GALNT9: variants seen among roughly 807,000 people sequenced by gnomAD.
GALNT9 encodes the protein GalNAc transferase 9.
GALNT9 carries 47 observed loss-of-function variants against 63.1 expected under a neutral mutation model. The ratio of observed to expected loss-of-function variants is 0.75; its 90% CI spans 0.59 to 0.95. GALNT9 has a LOEUF of 0.95. GALNT9 is among the 40% of genes least tolerant of loss of function. The pLI is 0.00. For missense variants in GALNT9, 829 were observed against 874.8 expected, an observed-to-expected ratio of 0.95 and a Z score of 0.66; for synonymous variants, 396 against 365.7, an observed-to-expected ratio of 1.08 and a Z score of -0.94.
chr12:132,237,841 C>G (rs376292482), intron 6 of GALNT9, among the ~76,000 whole-genome samples: 1 of 152,194 alleles, frequency 6.6e-6, no homozygotes, highest in Non-Finnish European at 1.5e-5. Flanking sequence ...GCCAGGCCTG[C>G]GGTGGAGGTT....
In GALNT9 at chr12:132,261,028, G is replaced by T; in HGVS notation, c.681C>A (p.Arg227=). 6.4e-7 allele frequency: 1 copy of T among 1,551,128 alleles called. No homozygotes were observed. The highest frequency in any genetic ancestry group is 8.7e-7 in the Non-Finnish European group (1 of 1,146,910). The change falls in exon 4 of 11, where the codon CGC becomes CGA. Residue 227 remains arginine, a synonymous_variant. Coordinates refer to ENST00000328957, the MANE Select transcript of GALNT9 (RefSeq NM_001122636.2). Reference sequence around the variant, plus strand: ...CCGCCTTCCAGCCCTGCAGCCGCGCGCGGATCAGTCCTTCCCGCCGGCTGT... The same window carrying T: ...CCGCCTTCCAGCCCTGCAGCCGCGCTCGGATCAGTCCTTCCCGCCGGCTGT... ...VRNSRREGLI[R]ARLQGWKAAT...
At position 132,197,164 on chromosome 12, in the gene GALNT9, C is replaced by T. The variant is rs764419528; in HGVS notation, c.1755G>A (p.Gln585=). 1 of 1,614,154 alleles carries T rather than the reference C, an allele frequency of 6.2e-7. No homozygotes were observed. Among genetic ancestry groups the T allele is most frequent in the Non-Finnish European group, 8.5e-7 (1 of 1,180,024 alleles). The change falls in exon 11 of 11, where the codon CAG becomes CAA. Residue 585 remains glutamine (Q), a synonymous_variant. Transcript: ENST00000328957. ...DANFGLRLVV[Q]RCSGQKWMIR... ...TCATCCACTTCTGCCCCGAGCACCTCTGTACCACCAGCCGGAGCCCAAAGT... is the reference window on the plus strand; with the variant it reads ...TCATCCACTTCTGCCCCGAGCACCTTTGTACCACCAGCCGGAGCCCAAAGT...
rs547484511 is a variant in GALNT9, at chr12:132,210,861, T to C, written c.1078-7171A>G. 5.3e-4 allele frequency among the ~76,000 whole-genome samples: 80 copies of C among 150,024 alleles called. 3 individuals carry two copies. In the South Asian group the frequency reaches 0.016, roughly 30 times the overall value. ...CGTCTGGAGGTCGCCGTCTGGCGGT[T>C]GCCATCTGGAGGTCGCCGTCTGGGT... is the stretch of plus-strand genomic sequence containing the variant. On this transcript the variant is annotated intron_variant, in intron 6 of 10. Transcript: ENST00000328957.
At chr12:132,263,807 C>T (rs61385742) in intron 2 of GALNT9, among the ~76,000 whole-genome samples, 10,463 of 152,272 alleles carry the variant, frequency 0.069, 1,203 homozygotes, top group African/African-American at 0.24. Flanking sequence ...GAAGTACTCA[C>T]GCCTGCCCCC....
rs532525842 is a variant in GALNT9, at chr12:132,198,028, C to T, written c.1498-69G>A. The T allele has an allele frequency of 1.0e-4, 132 of 1,325,030 alleles. 2 individuals carry two copies. In the East Asian group the frequency reaches 1.5e-3, roughly 15 times the overall value. The allele number at this position is 1,325,030 out of a possible 1,614,324, so 82.1% of individuals were successfully genotyped here. A position where few individuals can be genotyped will look rare whatever the true frequency, so the allele number is the denominator to read the frequency against. On this transcript the variant is annotated intron_variant, in intron 9 of 10. Transcript: ENST00000328957. The stretch of plus-strand genomic sequence containing the variant: ...CTCTCCCCAGTGAGCACTGACAGGC[C>T]GTGCGAGCTGCCTTGAGCTGCAAAC...
intron 1 of GALNT9, among the ~76,000 whole-genome samples, chr12:132,323,658 C>A (rs535840363): frequency 3.9e-5 from 6 of 152,242 alleles, no homozygotes; most frequent in Non-Finnish European, 8.8e-5. Flanking sequence ...GGAGCCCCAG[C>A]GGACGTCAGA....
intron 6 of GALNT9, among the ~76,000 whole-genome samples, chr12:132,241,753 CCCCCTTCCCGGGGCCCTCCCT>C (rs1878380643): frequency 2.3e-5 from 1 of 43,016 alleles, no homozygotes; most frequent in Non-Finnish European, 4.7e-5. Context: ...ACACAACACA[CCCCCTTCCCGGGGCCCTCCCT>C]ATCCCCATTA....
At chr12:132,201,292 A>T in intron 7 of GALNT9, 31 bp from the exon 8 acceptor site, 3 of 1,560,678 alleles carry the variant, frequency 1.9e-6, no homozygotes, top group Non-Finnish European at 2.6e-6. Flanking sequence ...GAGAGGGTAC[A>T]TGGGTGTCAC....
Position 132,287,759 on chromosome 12 carries a change from G to A in GALNT9, c.239-1329C>T, listed in dbSNP as rs186730649. The stretch of plus-strand genomic sequence containing the variant: ...TGTGGAATGGGTGCCCAAGGGGGCC[G>A]GGCCAGGGAAAGTTCTAGGTGCTCA... On this transcript the variant is annotated intron_variant, in intron 1 of 10. Transcript: ENST00000328957. 3.4e-3 allele frequency among the ~76,000 whole-genome samples: 525 copies of A among 152,174 alleles called. 1 individual carries two copies. Among genetic ancestry groups the A allele is most frequent in the African/African-American group, 0.012 (499 of 41,508 alleles).
intron 6 of GALNT9, among the ~76,000 whole-genome samples, chr12:132,221,380 G>T (rs1183528403): frequency 1.1e-3 from 112 of 98,094 alleles, no homozygotes; most frequent in Middle Eastern, 9.6e-3. Flanking sequence ...AAAAAAAAGG[G>T]CTGGGTGCGA....
At position 132,316,899 on chromosome 12, in the gene GALNT9, C is replaced by T. The variant is rs1555245719; in HGVS notation, c.238+12067G>A. ...CAGGAATGCTGCATGGCCTGGCCCC[C>T]ATTCTACACCCCACAGAGCACAGCC... On this transcript the variant is annotated intron_variant, in intron 1 of 10. Transcript: ENST00000328957. The surrounding 1 kb of genome is among the most constrained non-coding windows in gnomAD (Gnocchi z 4.3). Among the ~76,000 whole-genome samples the T allele has an allele frequency of 6.6e-6, 1 of 151,666 alleles. No homozygotes were observed. Among genetic ancestry groups the T allele is most frequent in the Non-Finnish European group, 1.5e-5 (1 of 67,880 alleles).
chr12:132,208,308 C>T (rs919124102), intron 6 of GALNT9, among the ~76,000 whole-genome samples: 4 of 152,216 alleles, frequency 2.6e-5, no homozygotes, highest in African/African-American at 9.6e-5. Flanking sequence ...CCCTTCCTGG[C>T]CACACTAGAG....
At chr12:132,272,334 G>A (rs1478688299) in intron 2 of GALNT9, among the ~76,000 whole-genome samples, 1 of 152,216 alleles carries the variant, frequency 6.6e-6, no homozygotes, top group Non-Finnish European at 1.5e-5. Flanking sequence ...TCTGACGGTG[G>A]CTCCACACAG....
chr12:132,204,671 C>T (rs1050699490), intron 6 of GALNT9, among the ~76,000 whole-genome samples: 5 of 152,122 alleles, frequency 3.3e-5, no homozygotes, highest in East Asian at 1.9e-4. Flanking sequence ...GCTAAGCCCA[C>T]GTCCCCACCA....
intron 5 of GALNT9, among the ~76,000 whole-genome samples, chr12:132,251,358 G>A (rs1235557678): frequency 2.0e-5 from 3 of 152,252 alleles, no homozygotes; most frequent in African/African-American, 7.2e-5. Context: ...AGTTCACGAC[G>A]CCGGTTACGG....
At chr12:132,217,819 C>T (rs1218273090) in intron 6 of GALNT9, among the ~76,000 whole-genome samples, 6 of 151,940 alleles carry the variant, frequency 3.9e-5, no homozygotes, top group African/African-American at 1.5e-4. Context: ...TTCACCCATC[C>T]ATCCACCCAC....
In GALNT9 at chr12:132,296,421, T is replaced by C. The variant is rs1881079251; in HGVS notation, c.239-9991A>G. Among the ~76,000 whole-genome samples, 1 of 152,244 alleles carries C rather than the reference T, an allele frequency of 6.6e-6. No individual in the cohort carries two copies. Among genetic ancestry groups the C allele is most frequent in the South Asian group, 2.1e-4 (1 of 4,836 alleles). On this transcript the variant is annotated intron_variant, in intron 1 of 10. Coordinates refer to ENST00000328957, the MANE Select transcript of GALNT9 (RefSeq NM_001122636.2). The surrounding 1 kb of genome is among the most constrained non-coding windows in gnomAD (Gnocchi z 4.2). Reference sequence around the variant, plus strand: ...CTCTTCCCCGGATCTCATGGGTGTCTTCCTGGGCTGCGTGATATCAATCCC... The same window carrying C: ...CTCTTCCCCGGATCTCATGGGTGTCCTCCTGGGCTGCGTGATATCAATCCC...
chr12:132,240,802 G>T (rs2136899541), intron 6 of GALNT9: 45,473 of 405,018 alleles, frequency 0.11, 3,388 homozygotes, highest in Middle Eastern at 0.23. Flanking sequence ...TTACACACAT[G>T]CCACACACCC....
chr12:132,217,588 T>TCATCCATCCATCCATCCATCCAGC (rs1877263301), intron 6 of GALNT9, among the ~76,000 whole-genome samples: 2 of 141,298 alleles, frequency 1.4e-5, no homozygotes, highest in African/African-American at 5.4e-5. Context: ...CATCCCCCAC[T>TCATCCATCCATCCATCCATCCAGC]CATCCATCCA....
Sources: gnomAD v4.1 joint callset for allele counts (sites outside exome capture counted in the v4.1 genomes callset) on GRCh38, gnomAD v4.1.1 for gene constraint, Gnocchi (gnomAD v3.1) non-coding constraint, MANE v1.5 for transcripts, NCBI Gene and HGNC (gene_info 2026-07-23, HGNC 2026-07-21) for gene names.